The following TDRD12 variants were observed in gnomAD, a reference collection of about 807,000 sequenced individuals.
TDRD12 encodes putative ATP-dependent RNA helicase TDRD12.
Under a neutral mutation model 133.5 loss-of-function variants are expected in TDRD12, and 158 were observed. The observed-to-expected ratio is 1.18, with a 90% confidence interval of 1.04 to 1.35. The LOEUF (loss-of-function observed/expected upper bound fraction) is 1.35. Ranked by LOEUF, TDRD12 falls within the 40% of genes most tolerant of loss-of-function variation. TDRD12 has a pLI of 0.00. For synonymous variants in TDRD12, 460 were observed against 477.9 expected, an observed-to-expected ratio of 0.96 and a Z score of 0.49; for missense variants, 1,443 against 1,321.3, an observed-to-expected ratio of 1.09 and a Z score of -1.43.
At chr19:32,779,461 C>G (rs1244930087) in intron 11 of TDRD12, among the ~76,000 whole-genome samples, 2 of 152,206 alleles carry the variant, frequency 1.3e-5, no homozygotes, top group African/African-American at 4.8e-5. Context: ...CAGATGCAGT[C>G]TTTCCCATTC....
intron 8 of TDRD12, among the ~76,000 whole-genome samples, chr19:32,759,845 C>T (rs551459266): frequency 8.5e-5 from 13 of 152,334 alleles, no homozygotes; most frequent in South Asian, 8.3e-4. Flanking sequence ...CAGGCCGCTT[C>T]CTTCTCTGGG....
intron 1 of TDRD12, among the ~76,000 whole-genome samples, chr19:32,731,491 G>A (rs1969051365): frequency 6.6e-6 from 1 of 152,034 alleles, no homozygotes; most frequent in South Asian, 2.1e-4. Context: ...TTCAGAATAT[G>A]GGAGATTGAG....
At chr19:32,776,795 G>A (rs1244358259) in intron 10 of TDRD12, among the ~76,000 whole-genome samples, 2 of 152,190 alleles carry the variant, frequency 1.3e-5, no homozygotes, top group Non-Finnish European at 1.5e-5. Context: ...ACAGAAATGT[G>A]CTTATGTAGA....
chr19:32,738,719 A>G, intron 2 of TDRD12, 137 bp from the exon 3 acceptor site: 1 of 902,234 alleles, frequency 1.1e-6, no homozygotes, highest in Non-Finnish European at 1.6e-6. Context: ...AGGCTGAGGC[A>G]GGAGAATTGC....
chr19:32,749,684 C>G (rs1228206231), intron 5 of TDRD12, 100 bp from the exon 6 acceptor site: 31 of 897,658 alleles, frequency 3.5e-5, no homozygotes, highest in Non-Finnish European at 8.6e-6. Context: ...TTTGGGCACT[C>G]TTAAGTGGTT....
chr19:32,746,265 A>AGGGG, intron 4 of TDRD12, among the ~76,000 whole-genome samples: 1 of 148,728 alleles, frequency 6.7e-6, no homozygotes, highest in South Asian at 2.2e-4. Context: ...TGTGTGAGAG[A>AGGGG]GAGAGAGTCT....
intron 21 of TDRD12, among the ~76,000 whole-genome samples, chr19:32,805,198 T>TA (rs1568489095): frequency 1.7e-4 from 14 of 80,474 alleles, no homozygotes; most frequent in African/African-American, 5.3e-4. Context: ...AATATATATA[T>TA]ACACACACAC....
In TDRD12 at chr19:32,767,102, T is replaced by G. The variant is rs550440192; in HGVS notation, c.866-5651T>G. Among the ~76,000 whole-genome samples the G allele has an allele frequency of 3.9e-4, 47 of 119,572 alleles. 1 individual carries two copies. In the South Asian group the frequency reaches 0.012, roughly 31 times the overall value. 78.4% of individuals were successfully genotyped at this position (119,572 alleles called of 152,430 possible). ...AAGTGTTTTCATGCATTTTATTTAT[T>G]TATTTATTTATTTATTTATTTATTT... On this transcript the variant is annotated intron_variant, in intron 8 of 27. Coordinates refer to ENST00000444215, the Ensembl canonical transcript of TDRD12.
chr19:32,724,298 TGTTG>T (rs1421329879), intron 1 of TDRD12, among the ~76,000 whole-genome samples: 2 of 152,192 alleles, frequency 1.3e-5, no homozygotes, highest in Non-Finnish European at 2.9e-5. Context: ...ACATGTGCCA[TGTTG>T]GTTTGCTGCA....
At chr19:32,764,103 CTTT>C (rs5827820) in intron 8 of TDRD12, among the ~76,000 whole-genome samples, 1 of 72,296 alleles carries the variant, frequency 1.4e-5, no homozygotes, top group Non-Finnish European at 2.4e-5. Context: ...TATTGTCCAT[CTTT>C]TTTTTTTTTT....
rs77233169 is a variant in TDRD12, at chr19:32,798,153, T to A, written c.1631-155T>A. ...ATCTATTTACTGAACACTTAAACTGTTTGTTAGATGCTGGGCATATGGGGT... is the reference window on the plus strand; with the variant it reads ...ATCTATTTACTGAACACTTAAACTGATTGTTAGATGCTGGGCATATGGGGT... On this transcript the variant is annotated intron_variant, in intron 15 of 27. Transcript: ENST00000444215. Among the ~76,000 whole-genome samples, 505 of 152,330 alleles carry A rather than the reference T, an allele frequency of 3.3e-3. 4 individuals are homozygous for A. Among genetic ancestry groups the A allele is most frequent in the African/African-American group, 0.012 (478 of 41,556 alleles).
chr19:32,802,826 G>C, intron 20 of TDRD12, 37 bp downstream of exon 20: 1 of 1,535,260 alleles, frequency 6.5e-7, no homozygotes, highest in East Asian at 2.4e-5. Flanking sequence ...TATTCCACTG[G>C]CATCTTCTGT....
chr19:32,747,052 T>G (rs1320688240), intron 4 of TDRD12, among the ~76,000 whole-genome samples: 1 of 141,280 alleles, frequency 7.1e-6, no homozygotes, highest in Non-Finnish European at 1.5e-5. Flanking sequence ...CTGGCTGAGG[T>G]GGTTATTCTG....
intron 4 of TDRD12, among the ~76,000 whole-genome samples, chr19:32,744,500 A>AAAT (rs1491502360): frequency 1.3e-4 from 9 of 67,380 alleles, no homozygotes; most frequent in African/African-American, 5.6e-4. Context: ...ACTCCGTCTC[A>AAAT]AAAAAAAAAA....
chr19:32,733,826 CTGTT>C (rs932243067), intron 2 of TDRD12, among the ~76,000 whole-genome samples: 9 of 151,730 alleles, frequency 5.9e-5, no homozygotes, highest in Admixed American at 3.9e-4. Flanking sequence ...TCTCTTAAGA[CTGTT>C]TGATTACCCT....
At chr19:32,779,236 A>G (rs1970692729) in intron 11 of TDRD12, among the ~76,000 whole-genome samples, 1 of 152,236 alleles carries the variant, frequency 6.6e-6, no homozygotes, top group African/African-American at 2.4e-5. Flanking sequence ...AGAGGGGCAC[A>G]GGGACCTTGG....
At chr19:32,814,117 T>G (rs966991592) in intron 25 of TDRD12, among the ~76,000 whole-genome samples, 1 of 152,188 alleles carries the variant, frequency 6.6e-6, no homozygotes, top group Non-Finnish European at 1.5e-5. Flanking sequence ...ACCACGCACT[T>G]AACTGAGCAC....
chr19:32,805,743 T>C (rs1416506707), intron 21 of TDRD12, among the ~76,000 whole-genome samples: 1 of 148,196 alleles, frequency 6.7e-6, no homozygotes, highest in Admixed American at 6.7e-5. Context: ...TTTTTTTTTT[T>C]TTTTTTGAGA....
rs1966998737 is a variant in TDRD12 at position 32,811,355 on chromosome 19, C to T, written c.2983C>T (p.Gln995Ter). 6.5e-7 allele frequency: 1 copy of T among 1,536,122 alleles called. No homozygotes were observed. The highest frequency in any genetic ancestry group is 8.7e-7 in the Non-Finnish European group (1 of 1,146,914). The change falls in exon 24 of 28, where the codon CAG becomes TAG. Residue 995 changes from glutamine (Q) to a stop codon, truncating the protein, a stop_gained. Transcript: ENST00000444215. LOFTEE classifies it high-confidence loss of function. ...AGAACATTTCCACACACTTCCCCCG[C>T]AGGCTGTGGAGTTTATTGTCTGTAG...
Sources: allele counts gnomAD v4.1 joint callset (sites outside exome capture counted in the v4.1 genomes callset), GRCh38; gene constraint gnomAD v4.1.1; transcripts MANE v1.5; gene names NCBI Gene and HGNC (gene_info 2026-07-23, HGNC 2026-07-21).